The following ZBTB32 variants were observed in gnomAD, a reference collection of about 807,000 sequenced individuals.
ZBTB32 encodes the protein zinc finger and BTB domain containing 32.
A neutral mutation model predicts 45.3 loss-of-function variants in ZBTB32; 28 were observed. The observed-to-expected ratio is 0.62, with a 90% CI of 0.46 to 0.85. The LOEUF (loss-of-function observed/expected upper bound fraction) is 0.85, where lower values mean the gene tolerates loss of function less well. ZBTB32 is among the 40% of genes least tolerant of loss of function. The pLI, the probability that ZBTB32 is intolerant of heterozygous loss-of-function variation, is 0.00. For synonymous variants in ZBTB32, 283 were observed against 255.7 expected (o/e 1.11, Z -1.02); for missense variants, 587 against 624.4 (o/e 0.94, Z 0.64).
At chr19:35,704,862 G>A (rs763533704) in intron 1 of ZBTB32, among the ~76,000 whole-genome samples, 41 of 152,352 alleles carry the variant, frequency 2.7e-4, no homozygotes, top group Middle Eastern at 3.4e-3. Flanking sequence ...CACGGCCCCC[G>A]AGGCCAGCCT....
chr19:35,716,197 C>G lies in ZBTB32; in HGVS notation c.1089C>G (p.Pro363=). ...KAGCPPRPHP[P]PAPPARSRPY... ...GCTGCCCACCTCGCCCGCACCCTCC[C>G]CCGGCCCCTCCTGCTCGGTCTCGGC... is the stretch of plus-strand genomic sequence containing the variant. Residue 363 remains proline (P), a synonymous_variant, in exon 6 of 7, where the codon CCC becomes CCG. Transcript: ENST00000392197. 6.2e-7 allele frequency: 1 copy of G among 1,613,898 alleles called. No individual in the cohort carries two copies. Among genetic ancestry groups the G allele is most frequent in the Middle Eastern group, 1.6e-4 (1 of 6,062 alleles).
In ZBTB32 at chr19:35,714,970, A is replaced by T; in HGVS notation, c.344A>T (p.Asp115Val). 1 of 1,597,770 alleles carries T rather than the reference A, an allele frequency of 6.3e-7. No homozygotes were observed. The highest frequency in any genetic ancestry group is 8.5e-7 in the Non-Finnish European group (1 of 1,172,224). Residue 115 changes from aspartate to valine, a missense_variant, in exon 3 of 7, where the codon GAC becomes GTC. Coordinates refer to ENST00000392197, the MANE Select transcript of ZBTB32 (RefSeq NM_014383.3). Reference sequence around the variant, plus strand: ...GAGGCATGCTGGAGGGCTCGAGGGGACAGGGCTAAAAAGCCAGATCCAGGC... The same window carrying T: ...GAGGCATGCTGGAGGGCTCGAGGGGTCAGGGCTAAAAAGCCAGATCCAGGC... The part of the protein sequence containing the change: ...LEEACWRARG[D>V]RAKKPDPGLK...
Position 35,714,964 on chromosome 19 carries a change from G to C in ZBTB32, c.338G>C (p.Arg113Pro), listed in dbSNP as rs776136251. ...CTGGAAGAGGCATGCTGGAGGGCTC[G>C]AGGGGACAGGGCTAAAAAGCCAGAT... The part of the protein sequence containing the change: ...QSLEEACWRA[R>P]GDRAKKPDPG... Residue 113 changes from arginine to proline, a missense_variant, in exon 3 of 7, where the codon CGA (arginine) becomes CCA (proline). By Grantham distance (103) the Arg-to-Pro change is moderately radical. Coordinates refer to ENST00000392197, the MANE Select transcript of ZBTB32 (RefSeq NM_014383.3). 1 of 1,593,638 alleles carries C rather than the reference G, an allele frequency of 6.3e-7. No homozygotes were observed. The highest frequency in any genetic ancestry group is 8.5e-7 in the Non-Finnish European group (1 of 1,170,084).
At chr19:35,716,352 G>C in intron 6 of ZBTB32, 55 bp downstream of exon 6, 1 of 1,607,524 alleles carries the variant, frequency 6.2e-7, no homozygotes, top group East Asian at 2.2e-5. Flanking sequence ...CTCCGCTCCT[G>C]AGTCTCCACC....
At chr19:35,716,434 G>A in intron 6 of ZBTB32, 44 bp from the exon 7 acceptor site, 1 of 1,586,174 alleles carries the variant, frequency 6.3e-7, no homozygotes, top group Non-Finnish European at 8.6e-7. Flanking sequence ...AGCTTTCGCC[G>A]CCTTCTTCCT....
chr19:35,707,447 G>A (rs958513888), intron 1 of ZBTB32, among the ~76,000 whole-genome samples: 2 of 144,416 alleles, frequency 1.4e-5, no homozygotes, highest in Non-Finnish European at 3.0e-5. Flanking sequence ...TTGGCTCACT[G>A]CAACCTCCGC....
chr19:35,713,081 G>A (rs1968744280), intron 2 of ZBTB32, 48 bp downstream of exon 2: 1 of 152,254 alleles, frequency 6.6e-6, no homozygotes, highest in Admixed American at 6.5e-5. Flanking sequence ...CTGAGGCCCA[G>A]AGAAGTGACT....
rs1191085571 is a variant in ZBTB32, at chr19:35,716,124, T to A, written c.1025-9T>A. 3.7e-6 allele frequency: 6 copies of A among 1,613,302 alleles called. No individual in the cohort carries two copies. The highest frequency in any genetic ancestry group is 5.1e-6 in the Non-Finnish European group (6 of 1,179,774). Reference sequence around the variant, plus strand: ...GCCCTGCCCTCCTTTGCCTTCTCTGTCCCCACAGGCGCACTTGCAACCTGT... The same window carrying A: ...GCCCTGCCCTCCTTTGCCTTCTCTGACCCCACAGGCGCACTTGCAACCTGT... On this transcript the variant is annotated splice_polypyrimidine_tract_variant and intron_variant, in intron 5 of 6. Transcript: ENST00000392197.
rs1479620630 is a variant in ZBTB32 at position 35,715,129 on chromosome 19, A to G, written c.503A>G (p.His168Arg). 1.2e-6 allele frequency: 2 copies of G among 1,613,824 alleles called. No homozygotes were observed. The highest frequency in any genetic ancestry group is 1.7e-5 in the Admixed American group (1 of 60,004). ...AGAGAACAGGAGATGTTGCACAAGC[A>G]CTCGCCACCAAGAGGCAGACCCGAG... ...GGREQEMLHK[H>R]SPPRGRPEMA... The change falls in exon 3 of 7, where the codon CAC (histidine) becomes CGC (arginine). Residue 168 changes from histidine (H) to arginine (R), a missense_variant. His to Arg is a conservative substitution (Grantham distance 29). Coordinates refer to ENST00000392197, the MANE Select transcript of ZBTB32 (RefSeq NM_014383.3).
chr19:35,706,344 G>A (rs1968542561), intron 1 of ZBTB32, among the ~76,000 whole-genome samples: 1 of 152,168 alleles, frequency 6.6e-6, no homozygotes, highest in Non-Finnish European at 1.5e-5. Context: ...CAGGCTGTAG[G>A]TGCGGGGCAG....
At chr19:35,707,195 T>TAAA (rs537947581) in intron 1 of ZBTB32, among the ~76,000 whole-genome samples, 2 of 105,920 alleles carry the variant, frequency 1.9e-5, no homozygotes, top group Admixed American at 1.1e-4. Flanking sequence ...ACTGTGTCTC[T>TAAA]AAAAAAAAAA....
chr19:35,716,682 T>A lies in ZBTB32; in HGVS notation c.1394T>A (p.Phe465Tyr), dbSNP rs1968919694. The A allele has an allele frequency of 6.2e-7, 1 of 1,613,834 alleles. No homozygotes were observed. The highest frequency in any genetic ancestry group is 8.5e-7 in the Non-Finnish European group (1 of 1,179,958). ...CCCGGATGGACCATCCGCTCCACCT[T>A]CCTCTACTCCTCCTCGAGGCCGTCT... ...LPPGWTIRSTFLYSSSRPSRP... is the reference protein window; with the variant it reads ...LPPGWTIRSTYLYSSSRPSRP... Residue 465 changes from phenylalanine to tyrosine, a missense_variant, in exon 7 of 7, where the codon TTC (phenylalanine) becomes TAC (tyrosine). By Grantham distance (22) the Phe-to-Tyr change is conservative. Transcript: ENST00000392197.
intron 1 of ZBTB32, 28 bp downstream of exon 1, chr19:35,704,651 C>T (rs372545789): frequency 3.3e-5 from 5 of 152,524 alleles, no homozygotes; most frequent in African/African-American, 1.2e-4. Context: ...TCTTACTTTA[C>T]TTTCTTGGGC....
At chr19:35,707,637 G>T (rs954400113) in intron 1 of ZBTB32, among the ~76,000 whole-genome samples, 2 of 151,822 alleles carry the variant, frequency 1.3e-5, no homozygotes, top group East Asian at 2.0e-4. Flanking sequence ...CAAAGTGCTG[G>T]GATTACAGGC....
At chr19:35,712,052 A>AAAAAAAG (rs1420122575) in intron 1 of ZBTB32, among the ~76,000 whole-genome samples, 2 of 141,410 alleles carry the variant, frequency 1.4e-5, no homozygotes, top group African/African-American at 2.8e-5. Context: ...AAAAAAAAAA[A>AAAAAAAG]GAGAAGCCTA....
chr19:35,711,119 ACT>A (rs1250807870), intron 1 of ZBTB32, among the ~76,000 whole-genome samples: 2 of 151,978 alleles, frequency 1.3e-5, no homozygotes, highest in African/African-American at 4.8e-5. Context: ...GCAGTCTCCA[ACT>A]CTCTCGATCA....
At chr19:35,706,934 C>T (rs1375934219) in intron 1 of ZBTB32, among the ~76,000 whole-genome samples, 4 of 152,130 alleles carry the variant, frequency 2.6e-5, no homozygotes, top group Non-Finnish European at 5.9e-5. Flanking sequence ...GGAAGTCTAA[C>T]CCCGAAACCA....
chr19:35,712,861 G>A (rs933178365), intron 1 of ZBTB32, 56 bp from the exon 2 acceptor site: 7 of 152,110 alleles, frequency 4.6e-5, no homozygotes, highest in African/African-American at 1.7e-4. Context: ...GCCAGCTTCT[G>A]GCTCCTCCAC....
rs553073649 is a variant in ZBTB32, at chr19:35,710,574, A to G, written c.-221-2343A>G. On this transcript the variant is annotated intron_variant, in intron 1 of 6. Transcript: ENST00000392197. ...CGAGACCAGCCTGGCTAACATGGTGAAACCCCATCTCTACTAAAAATACAA... is the reference window on the plus strand; with the variant it reads ...CGAGACCAGCCTGGCTAACATGGTGGAACCCCATCTCTACTAAAAATACAA... 1.2e-4 allele frequency among the ~76,000 whole-genome samples: 19 copies of G among 152,290 alleles called. No homozygotes were observed. In the East Asian group the frequency reaches 3.7e-3, roughly 29 times the overall value.
Sources: allele counts gnomAD v4.1 joint callset (sites outside exome capture counted in the v4.1 genomes callset), GRCh38; gene constraint gnomAD v4.1.1; transcripts MANE v1.5; gene names NCBI Gene and HGNC (gene_info 2026-07-23, HGNC 2026-07-21).